SHPRH: variants seen among roughly 807,000 people sequenced by gnomAD.
SHPRH encodes the protein E3 ubiquitin-protein ligase SHPRH.
A neutral mutation model predicts 202.5 loss-of-function variants in SHPRH; 106 were observed. That is an observed-to-expected ratio of 0.52 (90% CI 0.45 to 0.62). The LOEUF (loss-of-function observed/expected upper bound fraction) is 0.62. Among genes scored for constraint, SHPRH ranks in the 20% least tolerant of loss-of-function variants. The probability of loss-of-function intolerance (pLI) is 0.00; values close to 1 mark genes in which losing one functional copy is unlikely to be tolerated. For synonymous variants in SHPRH, 729 were observed against 686.0 expected (o/e 1.06, Z -0.98); for missense variants, 1,710 against 2,020.0 (o/e 0.85, Z 2.94).
rs1325703138 is a variant in SHPRH at position 145,964,047 on chromosome 6, G to C, written c.-349C>G. ...CTCCCTCTCAGCCCTTGAGCTTCCC[G>C]GGCTCCAGGACAACCAGCGTCCTCC... On this transcript the variant is annotated 5_prime_UTR_variant, in exon 1 of 30. Transcript: ENST00000275233. The C allele has an allele frequency of 6.6e-6, 1 of 152,224 alleles. No homozygotes were observed. The highest frequency in any genetic ancestry group is 1.5e-5 in the Non-Finnish European group (1 of 68,102). The allele number at this position is 152,224 out of a possible 1,614,324, so 9.4% of individuals were successfully genotyped here. A position where few individuals can be genotyped will look rare whatever the true frequency, so the allele number is the denominator to read the frequency against.
In SHPRH at chr6:145,943,946, T is replaced by C. The variant is rs531331070; in HGVS notation, c.1579-144A>G. The C allele has an allele frequency of 1.7e-4, 129 of 765,522 alleles. 1 individual carries two copies. The highest frequency in any genetic ancestry group is 8.8e-4 in the East Asian group (32 of 36,376). The allele number at this position is 765,522 out of a possible 1,614,324, so 47.4% of individuals were successfully genotyped here. Reference sequence around the variant, plus strand: ...CCTGAGGAGAATCACTCCTGATAAGTGGCTTCCAATCTGCCCTCTGTAAGG... The same window carrying C: ...CCTGAGGAGAATCACTCCTGATAAGCGGCTTCCAATCTGCCCTCTGTAAGG... On this transcript the variant is annotated intron_variant, in intron 8 of 29. Transcript: ENST00000275233.
At chr6:145,919,255 A>T (rs1267757121) in intron 22 of SHPRH, 93 bp downstream of exon 22, 1 of 1,505,442 alleles carries the variant, frequency 6.6e-7, no homozygotes, top group African/African-American at 1.4e-5. Flanking sequence ...CTTACAGTAG[A>T]GCTCAGTGCC....
intron 2 of SHPRH, among the ~76,000 whole-genome samples, chr6:145,873,725 G>A (rs13201697): frequency 3.5e-5 from 5 of 142,156 alleles, no homozygotes; most frequent in Admixed American, 7.1e-5. Flanking sequence ...GGGAGGGAGG[G>A]AGGGAGGGAG....
intron 10 of SHPRH, 115 bp downstream of exon 10, chr6:145,941,508 G>C (rs534562902): frequency 1.4e-6 from 2 of 1,470,034 alleles, no homozygotes; most frequent in Non-Finnish European, 1.8e-6. Context: ...ACAAACTTTT[G>C]ACCAATATCA....
chr6:145,940,949 A>G lies in SHPRH; in HGVS notation c.2491-148T>C, dbSNP rs767102505. The G allele has an allele frequency of 6.7e-6, 5 of 747,492 alleles. No individual in the cohort carries two copies. The East Asian group carries it at 1.1e-4, about 16-fold the overall frequency. The allele number at this position is 747,492 out of a possible 1,614,324, so 46.3% of individuals were successfully genotyped here. ...TTTTATTTAACAGTTATCACACTCA[A>G]TGTTGAATGTCATATTCAATGGACC... On this transcript the variant is annotated intron_variant, in intron 10 of 29. Coordinates refer to ENST00000275233, the MANE Select transcript of SHPRH (RefSeq NM_001042683.3).
chr6:145,863,489 T>C (rs770652487), downstream of SHPRH, among the ~76,000 whole-genome samples: 7 of 152,198 alleles, frequency 4.6e-5, no homozygotes, highest in African/African-American at 1.4e-4. Flanking sequence ...CTGGATAAGA[T>C]TGACAGTGGT....
At chr6:145,892,624 C>A (rs1289139103) in intron 28 of SHPRH, among the ~76,000 whole-genome samples, 1 of 151,736 alleles carries the variant, frequency 6.6e-6, no homozygotes, top group Non-Finnish European at 1.5e-5. Flanking sequence ...ATTTAGCAGG[C>A]CTTATCAAAG....
At chr6:145,935,747 A>C (rs1785996713) in intron 11 of SHPRH, 2 of 230,806 alleles carry the variant, frequency 8.7e-6, no homozygotes, top group Non-Finnish European at 1.7e-5. Context: ...AAACCACTCA[A>C]CTGAATGTAC....
At position 145,943,401 on chromosome 6, in the gene SHPRH, C is replaced by T. The variant is rs746982082; in HGVS notation, c.1980G>A (p.Glu660=). The T allele has an allele frequency of 4.5e-5, 72 of 1,613,936 alleles. 1 individual carries two copies. In the Admixed American group the frequency reaches 9.8e-4, roughly 22 times the overall value. ...TCTGATCAAGTTCACCACATATACACTCAAAGCGGTAATCAGAGGTGTTAA... is the reference window on the plus strand; with the variant it reads ...TCTGATCAAGTTCACCACATATACATTCAAAGCGGTAATCAGAGGTGTTAA... ...SPFNTSDYRF[E]CICGELDQID... Residue 660 remains glutamate (E), a synonymous_variant, in exon 9 of 30, where the codon GAG becomes GAA. Transcript: ENST00000275233.
chr6:145,927,915 A>G (rs150165069), intron 14 of SHPRH, among the ~76,000 whole-genome samples: 2 of 152,096 alleles, frequency 1.3e-5, no homozygotes, highest in East Asian at 3.9e-4. Context: ...TCATTCAAAT[A>G]AAGCAATTCA....
chr6:145,944,580 A>C (rs973664753), intron 8 of SHPRH, among the ~76,000 whole-genome samples: 5 of 152,138 alleles, frequency 3.3e-5, no homozygotes, highest in Non-Finnish European at 7.4e-5. Flanking sequence ...TGGTAGCAGG[A>C]TTACCAAAAG....
chr6:145,864,546 A>G (rs1779685572), intron 2 of SHPRH: 1 of 222,890 alleles, frequency 4.5e-6, no homozygotes, highest in African/African-American at 2.3e-5. Context: ...CAGCAACAAC[A>G]AAACAATAAA....
At chr6:145,940,264 A>G (rs568492373) in intron 11 of SHPRH, among the ~76,000 whole-genome samples, 242 of 152,270 alleles carry the variant, frequency 1.6e-3, no homozygotes, top group Non-Finnish European at 2.5e-3. Flanking sequence ...TACTAAAATT[A>G]TGGCCCTAGT....
intron 12 of SHPRH, 29 bp from the exon 13 acceptor site, chr6:145,935,192 A>G (rs1562342179): frequency 6.3e-7 from 1 of 1,593,232 alleles, no homozygotes; most frequent in Non-Finnish European, 8.5e-7. Context: ...AAAAAAAAAA[A>G]GATATCATCT....
At chr6:145,907,810 C>T (rs999504908) in intron 25 of SHPRH, 6 of 149,828 alleles carry the variant, frequency 4.0e-5, no homozygotes, top group African/African-American at 1.5e-4. Context: ...CAAAACAAAA[C>T]AAAAAAACAG....
rs1376758329 is a variant in SHPRH, at chr6:145,945,458, C to T, written c.1501G>A (p.Gly501Ser). The change falls in exon 8 of 30, where the codon GGC (glycine) becomes AGC (serine). Residue 501 changes from glycine to serine, a missense_variant. Coordinates refer to ENST00000275233, the MANE Select transcript of SHPRH (RefSeq NM_001042683.3). ...GTAAAAGTCCCAGAAAAACCATGGC[C>T]TTTGATCTGTTTCACGAGACCTTCA... Reference protein sequence around the residue: ...IFEGLVKQIKGHGFSGTFTLG... With the variant: ...IFEGLVKQIKSHGFSGTFTLG... The T allele has an allele frequency of 6.2e-7, 1 of 1,613,058 alleles. No individual in the cohort carries two copies. The highest frequency in any genetic ancestry group is 1.3e-5 in the African/African-American group (1 of 74,848).
At chr6:145,952,319 A>T (rs1359762696) in intron 3 of SHPRH, 30 bp downstream of exon 3, 1 of 1,560,470 alleles carries the variant, frequency 6.4e-7, no homozygotes, top group Non-Finnish European at 8.7e-7. Flanking sequence ...CCTAAGTAAT[A>T]GCAATTTTTA....
chr6:145,949,297 T>C lies in SHPRH; in HGVS notation c.983-947A>G, dbSNP rs1787731160. Among the ~76,000 whole-genome samples, 3 of 152,028 alleles carry C rather than the reference T, an allele frequency of 2.0e-5. No individual in the cohort carries two copies. In the South Asian group the frequency reaches 6.2e-4, roughly 32 times the overall value. The stretch of plus-strand genomic sequence containing the variant: ...AAGTACAAATTCACAATTGCAAAGA[T>C]ATGAAATCAACTTAAGTGCCCATCA... On this transcript the variant is annotated intron_variant, in intron 4 of 29. Transcript: ENST00000275233.
chr6:145,932,985 T>C (rs1785636155), intron 14 of SHPRH, 72 bp downstream of exon 14: 2 of 1,479,760 alleles, frequency 1.4e-6, no homozygotes, highest in South Asian at 1.3e-5. Flanking sequence ...AAAATCAAAA[T>C]CTATTTTTTC....
Sources: gnomAD v4.1 joint callset for allele counts (sites outside exome capture counted in the v4.1 genomes callset) on GRCh38, gnomAD v4.1.1 for gene constraint, MANE v1.5 for transcripts, NCBI Gene and HGNC (gene_info 2026-07-23, HGNC 2026-07-21) for gene names.